MSRA: variants seen among roughly 807,000 people sequenced by gnomAD.
MSRA encodes the protein methionine sulfoxide reductase A, also known as mitochondrial peptide methionine sulfoxide reductase.
Under a neutral mutation model 31.3 loss-of-function variants are expected in MSRA, and 54 were observed. That is an observed-to-expected ratio of 1.73 (90% CI 1.39 to 2.17). The LOEUF (loss-of-function observed/expected upper bound fraction) is 2.17. MSRA is among the 30% of genes most tolerant of loss of function. The pLI is 0.00. For missense variants in MSRA, 507 were observed against 300.9 expected (o/e 1.69, Z -5.07); for synonymous variants, 169 against 116.5 (o/e 1.45, Z -2.90).
chr8:10,173,489 C>T (rs1464501244), intron 1 of MSRA, among the ~76,000 whole-genome samples: 7 of 152,324 alleles, frequency 4.6e-5, no homozygotes, highest in Non-Finnish European at 1.0e-4. Context: ...GTCTTCTTTC[C>T]GTGAATCCTG....
intron 2 of MSRA, among the ~76,000 whole-genome samples, chr8:10,223,407 G>A (rs1346086553): frequency 6.6e-6 from 1 of 152,166 alleles, no homozygotes; most frequent in Non-Finnish European, 1.5e-5. Context: ...AGACTATAAT[G>A]TATCGATGAA....
At chr8:10,205,603 C>T (rs1191647756) in intron 1 of MSRA, among the ~76,000 whole-genome samples, 1 of 151,902 alleles carries the variant, frequency 6.6e-6, no homozygotes, top group East Asian at 1.9e-4. Context: ...AAACCAACTA[C>T]TGTGGAAAAA....
intron 5 of MSRA, among the ~76,000 whole-genome samples, chr8:10,341,459 C>T (rs1041491467): frequency 2.9e-4 from 44 of 152,310 alleles, no homozygotes; most frequent in African/African-American, 1.1e-3. Flanking sequence ...AAGCATCTGC[C>T]TTCATGATCC....
chr8:10,135,553 T>C (rs1013722435), intron 1 of MSRA, among the ~76,000 whole-genome samples: 4 of 152,226 alleles, frequency 2.6e-5, no homozygotes, highest in African/African-American at 9.6e-5. Flanking sequence ...TTAATATACA[T>C]GATGACACTT....
At chr8:10,335,677 G>A (rs1209805930) in intron 5 of MSRA, among the ~76,000 whole-genome samples, 1 of 152,178 alleles carries the variant, frequency 6.6e-6, no homozygotes, top group East Asian at 1.9e-4. Context: ...GTTCCCTGCT[G>A]AGTGAGAAAG....
chr8:10,380,374 G>C (rs1036438029), intron 5 of MSRA, among the ~76,000 whole-genome samples: 4 of 152,210 alleles, frequency 2.6e-5, no homozygotes, highest in Non-Finnish European at 2.9e-5. Flanking sequence ...GGCCTTCCCT[G>C]CACTGTATTT....
At chr8:10,261,139 A>AT (rs1329405339) in intron 3 of MSRA, among the ~76,000 whole-genome samples, 3 of 152,148 alleles carry the variant, frequency 2.0e-5, no homozygotes, top group African/African-American at 7.2e-5. Flanking sequence ...CCAAAAAAAA[A>AT]CTATAGTCTG....
At chr8:10,302,921 C>T (rs758915067) in intron 4 of MSRA, among the ~76,000 whole-genome samples, 1 of 152,176 alleles carries the variant, frequency 6.6e-6, no homozygotes, top group Non-Finnish European at 1.5e-5. Context: ...GGATATGGGA[C>T]ATCACTTCAT....
intron 5 of MSRA, among the ~76,000 whole-genome samples, chr8:10,352,035 A>G (rs1804182910): frequency 2.0e-5 from 3 of 152,200 alleles, no homozygotes; most frequent in African/African-American, 7.2e-5. Flanking sequence ...ATTTCTATAT[A>G]AAACAGCAGA....
At chr8:10,353,459 T>C (rs900764393) in intron 5 of MSRA, among the ~76,000 whole-genome samples, 2 of 141,258 alleles carry the variant, frequency 1.4e-5, no homozygotes, top group Non-Finnish European at 3.1e-5. Context: ...CACTTCGGCA[T>C]CCGTGAGTCC....
chr8:10,187,515 C>G (rs1409858517), intron 1 of MSRA, among the ~76,000 whole-genome samples: 1 of 152,136 alleles, frequency 6.6e-6, no homozygotes, highest in Non-Finnish European at 1.5e-5. Flanking sequence ...ACCACCCTTT[C>G]AAAAATCGTT....
chr8:10,280,853 A>G (rs1464298640), intron 3 of MSRA, among the ~76,000 whole-genome samples: 1 of 152,248 alleles, frequency 6.6e-6, no homozygotes, highest in Non-Finnish European at 1.5e-5. Context: ...AATGCACACA[A>G]CAACATGGTC....
chr8:10,210,846 G>C (rs899237428), intron 2 of MSRA, among the ~76,000 whole-genome samples: 1 of 151,188 alleles, frequency 6.6e-6, no homozygotes, highest in Non-Finnish European at 1.5e-5. Context: ...CGATTCTCCT[G>C]CCTCAGCCTC....
At chr8:10,303,674 C>G (rs535330526) in intron 4 of MSRA, among the ~76,000 whole-genome samples, 1 of 152,146 alleles carries the variant, frequency 6.6e-6, no homozygotes, top group Non-Finnish European at 1.5e-5. Flanking sequence ...CTCTTATGGA[C>G]CATCTCTTTC....
intron 4 of MSRA, among the ~76,000 whole-genome samples, chr8:10,314,649 A>G (rs1801614504): frequency 6.6e-6 from 1 of 152,238 alleles, no homozygotes; most frequent in African/African-American, 2.4e-5. Flanking sequence ...TTCTATTTCT[A>G]GGTATGTACT....
intron 1 of MSRA, among the ~76,000 whole-genome samples, chr8:10,192,185 C>G (rs746517797): frequency 2.6e-5 from 4 of 152,320 alleles, no homozygotes; most frequent in African/African-American, 9.6e-5. Flanking sequence ...GAATCAAACC[C>G]CCATCACTCC....
chr8:10,318,198 G>A (rs984150976), intron 4 of MSRA, among the ~76,000 whole-genome samples: 4 of 152,182 alleles, frequency 2.6e-5, no homozygotes, highest in African/African-American at 9.7e-5. Context: ...TAAATCGCAG[G>A]ATGGCCATTT....
chr8:10,227,551 C>T (rs907375546), intron 2 of MSRA, among the ~76,000 whole-genome samples: 1 of 152,174 alleles, frequency 6.6e-6, no homozygotes, highest in African/African-American at 2.4e-5. Context: ...AAATACATAC[C>T]TGGTACTCTT....
intron 5 of MSRA, among the ~76,000 whole-genome samples, chr8:10,391,109 C>T (rs530778941): frequency 9.3e-4 from 141 of 152,276 alleles, no homozygotes; most frequent in Middle Eastern, 3.4e-3. Context: ...CCCAGACTTA[C>T]TTGTCAATAT....
Sources: gnomAD v4.1 joint callset for allele counts (sites outside exome capture counted in the v4.1 genomes callset) on GRCh38, gnomAD v4.1.1 for gene constraint, MANE v1.5 for transcripts, NCBI Gene and HGNC (gene_info 2026-07-23, HGNC 2026-07-21) for gene names.